Variants in FSCN2 observed in about 807,000 individuals in gnomAD.
FSCN2 encodes fascin actin-bundling protein 2, retinal, also known as fascin-2.
In FSCN2, 46 loss-of-function variants were observed where a neutral mutation model predicts 37.8. That is an observed-to-expected ratio of 1.22 (90% CI 0.96 to 1.56). The LOEUF (loss-of-function observed/expected upper bound fraction) is 1.56. Among genes scored for constraint, FSCN2 ranks in the 40% most tolerant of loss-of-function variants. The pLI, the probability that FSCN2 is intolerant of heterozygous loss-of-function variation, is 0.00. For synonymous variants in FSCN2, 351 were observed against 309.4 expected (o/e 1.13, Z -1.41); for missense variants, 844 against 730.4 (o/e 1.16, Z -1.79).
At chr17:81,530,942 G>T (rs1225462321) in intron 1 of FSCN2, among the ~76,000 whole-genome samples, 1 of 152,252 alleles carries the variant, frequency 6.6e-6, no homozygotes, top group Non-Finnish European at 1.5e-5. Context: ...GGTGGTTAAA[G>T]GGGGTAAGTG....
chr17:81,530,327 G>C (rs1197767447), intron 1 of FSCN2, among the ~76,000 whole-genome samples: 4 of 152,254 alleles, frequency 2.6e-5, no homozygotes, highest in African/African-American at 4.8e-5. Flanking sequence ...CCCTGCCCCA[G>C]TGGGGCGTGG....
At chr17:81,515,183 C>T in the FSCN2 span, among the ~76,000 whole-genome samples, 1 of 152,310 alleles carries the variant, frequency 6.6e-6, no homozygotes, top group Admixed American at 6.5e-5. Context: ...GGACCGCGCG[C>T]TGTGATTTTT....
chr17:81,522,593 G>A, the FSCN2 span, among the ~76,000 whole-genome samples: 12 of 152,372 alleles, frequency 7.9e-5, no homozygotes, highest in Admixed American at 1.3e-4. Context: ...TGTGATGGTT[G>A]GTTCTTACGT....
the FSCN2 span, among the ~76,000 whole-genome samples, chr17:81,515,232 C>T: frequency 6.6e-6 from 1 of 152,116 alleles, no homozygotes; most frequent in Non-Finnish European, 1.5e-5. Flanking sequence ...TCGCGCGGGG[C>T]CTGTCCTGGA....
At chr17:81,532,413 ATGATGG>A (rs1400619751) in intron 1 of FSCN2, among the ~76,000 whole-genome samples, 8 of 132,666 alleles carry the variant, frequency 6.0e-5, no homozygotes, top group South Asian at 2.7e-4. Flanking sequence ...AGTGATGGTG[ATGATGG>A]TGATGGTGAT....
At chr17:81,531,243 A>ATGGTGGTGG (rs1555671221) in intron 1 of FSCN2, among the ~76,000 whole-genome samples, 2 of 66,578 alleles carry the variant, frequency 3.0e-5, no homozygotes, top group African/African-American at 1.2e-4. Flanking sequence ...GATGGTGGTG[A>ATGGTGGTGG]TGATGGTGAT....
the FSCN2 span, among the ~76,000 whole-genome samples, chr17:81,523,066 C>A: frequency 2.0e-5 from 3 of 152,234 alleles, no homozygotes; most frequent in African/African-American, 7.2e-5. Flanking sequence ...CCCTCCCCTT[C>A]CAGGCACAGC....
chr17:81,529,717 G>T, intron 1 of FSCN2: 1 of 526,020 alleles, frequency 1.9e-6, no homozygotes, highest in African/African-American at 1.9e-5. Context: ...GAGGCCCACA[G>T]CCTGGCCTGG....
chr17:81,529,591 G>C (rs1312942953), intron 1 of FSCN2: 2 of 746,602 alleles, frequency 2.7e-6, no homozygotes, highest in East Asian at 2.5e-5. Flanking sequence ...CAGAGGCAAG[G>C]GTTCCTGGCC....
In FSCN2 at chr17:81,536,626, G is replaced by A. The variant is rs745697471; in HGVS notation, c.1110G>A (p.Lys370=). The A allele has an allele frequency of 1.1e-5, 17 of 1,609,422 alleles. No individual in the cohort carries two copies. The highest frequency in any genetic ancestry group is 1.0e-4 in the Admixed American group (6 of 59,982). ...AGCAGACGCTCTCCCCGCCAGGCAA[G>A]GACGAAGAGTTCACCCTCAAGCTCA... The part of the protein sequence containing the change: ...QLAAISDFVG[K]DEEFTLKLIN... Residue 370 remains lysine (K), a synonymous_variant, in exon 4 of 5, where the codon AAG becomes AAA. Coordinates refer to ENST00000417245, the MANE Select transcript of FSCN2 (RefSeq NM_012418.4).
chr17:81,533,775 G>A (rs1006813421), intron 1 of FSCN2, among the ~76,000 whole-genome samples: 1 of 152,216 alleles, frequency 6.6e-6, no homozygotes, highest in African/African-American at 2.4e-5. Context: ...GAAGCAGGTG[G>A]CTGAATGAGT....
chr17:81,519,365 T>G, the FSCN2 span, among the ~76,000 whole-genome samples: 4 of 152,076 alleles, frequency 2.6e-5, no homozygotes, highest in Non-Finnish European at 5.9e-5. Flanking sequence ...GGACCCGCAC[T>G]CAGCACGCAC....
chr17:81,532,641 ATGATGG>A (rs1568079814), intron 1 of FSCN2, among the ~76,000 whole-genome samples: 8 of 137,580 alleles, frequency 5.8e-5, no homozygotes, highest in African/African-American at 2.3e-4. Flanking sequence ...GGTGATGGTG[ATGATGG>A]TGGTGATGGT....
the FSCN2 span, among the ~76,000 whole-genome samples, chr17:81,520,080 A>G: frequency 6.6e-6 from 1 of 152,148 alleles, no homozygotes; most frequent in Admixed American, 6.5e-5. Context: ...GGGCTGGGCC[A>G]GGCCGTGGCA....
chr17:81,534,524 C>T (rs796575779), intron 1 of FSCN2, among the ~76,000 whole-genome samples: 3 of 151,964 alleles, frequency 2.0e-5, no homozygotes, highest in Non-Finnish European at 2.9e-5. Context: ...AGATGGAGCC[C>T]GGGGCAGTCT....
chr17:81,535,380 GCCATCC>G (rs1304338810), intron 2 of FSCN2, among the ~76,000 whole-genome samples, 172 bp downstream of exon 2: 5 of 107,384 alleles, frequency 4.7e-5, no homozygotes, highest in Admixed American at 9.9e-5. Context: ...CACCATCATC[GCCATCC>G]CCATCCCCAT....
At position 81,537,093 on chromosome 17, in the gene FSCN2, A is replaced by G. The variant is rs748836608; in HGVS notation, c.*13A>G. On this transcript the variant is annotated 3_prime_UTR_variant, in exon 5 of 5. Transcript: ENST00000417245. ...TTGGGAGTACTGAGGCCGCGCCCAG[A>G]CCAGCCTGTCGCGCATTAAAACCGT... 47 of 1,413,528 alleles carry G rather than the reference A, an allele frequency of 3.3e-5. 2 individuals carry two copies. The South Asian group carries it at 6.7e-4, about 20-fold the overall frequency. 87.6% of individuals were successfully genotyped at this position (1,413,528 alleles called of 1,614,324 possible).
At chr17:81,536,549 G>A (rs1432012183) in intron 3 of FSCN2, 73 bp from the exon 4 acceptor site, 2 of 1,582,244 alleles carry the variant, frequency 1.3e-6, no homozygotes, top group East Asian at 2.3e-5. Flanking sequence ...GCGTTTCCCA[G>A]GGCCCCCACC....
the FSCN2 span, among the ~76,000 whole-genome samples, chr17:81,520,635 C>G: frequency 6.6e-6 from 1 of 152,198 alleles, no homozygotes; most frequent in East Asian, 1.9e-4. Context: ...GAGAACTGGC[C>G]TGGGATTTTG....
Sources: gnomAD v4.1 joint callset for allele counts (sites outside exome capture counted in the v4.1 genomes callset) on GRCh38, gnomAD v4.1.1 for gene constraint, MANE v1.5 for transcripts, NCBI Gene and HGNC (gene_info 2026-07-23, HGNC 2026-07-21) for gene names.